SLC26A7: variants seen among roughly 807,000 people sequenced by gnomAD.
The protein encoded by SLC26A7 is solute carrier family 26 member 7.
SLC26A7 carries 59 observed loss-of-function variants against 82.5 expected under a neutral mutation model. The observed-to-expected ratio is 0.72, with a 90% CI of 0.58 to 0.89. The LOEUF is 0.89. SLC26A7 is among the 40% of genes least tolerant of loss of function. The pLI is 0.00. For synonymous variants in SLC26A7, 271 were observed against 274.3 expected, an observed-to-expected ratio of 0.99 and a Z score of 0.12; for missense variants, 820 against 793.0, an observed-to-expected ratio of 1.03 and a Z score of -0.41.
At chr8:91,344,543 T>G (rs189866766) in intron 9 of SLC26A7, among the ~76,000 whole-genome samples, 12 of 152,312 alleles carry the variant, frequency 7.9e-5, no homozygotes, top group Admixed American at 5.2e-4. Flanking sequence ...TATGTGTTTG[T>G]TGACCTTGTG....
At chr8:91,324,469 A>G (rs1008192847) in intron 5 of SLC26A7, among the ~76,000 whole-genome samples, 8 of 152,200 alleles carry the variant, frequency 5.3e-5, no homozygotes, top group African/African-American at 1.9e-4. Flanking sequence ...AGCTGCCTTA[A>G]TTGTCCAACA....
chr8:91,329,420 C>G (rs943328711), intron 5 of SLC26A7, among the ~76,000 whole-genome samples: 1 of 152,110 alleles, frequency 6.6e-6, no homozygotes, highest in African/African-American at 2.4e-5. Context: ...TTGTAATGAG[C>G]TATCCACCCC....
At chr8:91,289,859 T>G (rs1297706393) in intron 3 of SLC26A7, among the ~76,000 whole-genome samples, 3 of 152,198 alleles carry the variant, frequency 2.0e-5, no homozygotes, top group Non-Finnish European at 4.4e-5. Flanking sequence ...TTACCTTACC[T>G]ACCTCTATAT....
chr8:91,353,133 C>A, intron 11 of SLC26A7, 137 bp downstream of exon 11: 2 of 468,754 alleles, frequency 4.3e-6, no homozygotes, highest in Non-Finnish European at 3.6e-6. Context: ...CATTTTTTTT[C>A]CAAAATCTTA....
intron 2 of SLC26A7, among the ~76,000 whole-genome samples, chr8:91,258,562 A>G (rs1810871455): frequency 6.6e-6 from 1 of 152,130 alleles, no homozygotes; most frequent in East Asian, 1.9e-4. Context: ...CTTCCCTGAC[A>G]GTACTAGATA....
upstream of SLC26A7, among the ~76,000 whole-genome samples, chr8:91,245,442 G>A (rs924443971): frequency 1.3e-5 from 2 of 152,114 alleles, no homozygotes; most frequent in African/African-American, 4.8e-5. Flanking sequence ...CAATTGTGTG[G>A]ACGTATCCCC....
At chr8:91,328,321 A>G (rs920849657) in intron 5 of SLC26A7, among the ~76,000 whole-genome samples, 6 of 152,064 alleles carry the variant, frequency 3.9e-5, no homozygotes, top group African/African-American at 1.2e-4. Context: ...TTCAGCCTTG[A>G]TGTTGCTTCA....
chr8:91,261,991 C>T (rs1563648995), intron 2 of SLC26A7, among the ~76,000 whole-genome samples: 3 of 152,008 alleles, frequency 2.0e-5, no homozygotes, highest in African/African-American at 7.2e-5. Flanking sequence ...TACCATTGGA[C>T]GTGAACTCCT....
At chr8:91,297,150 T>G (rs1424988503) in intron 4 of SLC26A7, among the ~76,000 whole-genome samples, 1 of 152,180 alleles carries the variant, frequency 6.6e-6, no homozygotes, top group Non-Finnish European at 1.5e-5. Flanking sequence ...GAGTTGGATA[T>G]TCTCTTACTC....
chr8:91,259,684 A>G (rs1288338005), intron 2 of SLC26A7, among the ~76,000 whole-genome samples: 1 of 152,068 alleles, frequency 6.6e-6, no homozygotes, highest in Non-Finnish European at 1.5e-5. Flanking sequence ...GGACATTTGC[A>G]CATGGTATTT....
chr8:91,236,848 AAAAC>A (rs1425469951), intron 2 of SLC26A7, among the ~76,000 whole-genome samples: 11 of 152,212 alleles, frequency 7.2e-5, no homozygotes, highest in Admixed American at 5.9e-4. Flanking sequence ...TGTGCAGAAT[AAAAC>A]AAACAACTAC....
Position 91,395,094 on chromosome 8 carries a change from C to G in SLC26A7, c.1968C>G (p.Val656=). 1 of 1,613,452 alleles carries G rather than the reference C, an allele frequency of 6.2e-7. No homozygotes were observed. Among genetic ancestry groups the G allele is most frequent in the Non-Finnish European group, 8.5e-7 (1 of 1,179,412 alleles). ...GCAAACTCAGTGACCACAGTGAAGT[C>G]TGAGACCCTTTTGTCACAGTACAGC... is the stretch of plus-strand genomic sequence containing the variant. ...NLSKLSDHSE[V] Residue 656 remains valine, a synonymous_variant, in exon 19 of 19, where the codon GTC becomes GTG. Transcript: ENST00000276609.
intron 2 of SLC26A7, among the ~76,000 whole-genome samples, chr8:91,275,611 T>A (rs1047808838): frequency 2.6e-5 from 4 of 152,236 alleles, no homozygotes; most frequent in Admixed American, 6.5e-5. Context: ...AAAGAATATT[T>A]TAATGACGTT....
intron 2 of SLC26A7, among the ~76,000 whole-genome samples, chr8:91,274,069 A>G (rs1811342203): frequency 6.6e-6 from 1 of 152,226 alleles, no homozygotes; most frequent in African/African-American, 2.4e-5. Flanking sequence ...GTGTTCCAGT[A>G]TGTAAAATAG....
chr8:91,369,917 C>T (rs1277016119), intron 15 of SLC26A7, 84 bp downstream of exon 15: 8 of 994,956 alleles, frequency 8.0e-6, no homozygotes, highest in Non-Finnish European at 1.1e-5. Context: ...CCCTTCTCCT[C>T]CTCATCTGCC....
At position 91,334,429 on chromosome 8, in the gene SLC26A7, T is replaced by C; in HGVS notation, c.777T>C (p.Leu259=). The change falls in exon 6 of 19, where the codon CTT becomes CTC. Residue 259 remains leucine (L), a synonymous_variant. Coordinates refer to ENST00000276609, the MANE Select transcript of SLC26A7 (RefSeq NM_052832.4). ...TTAAAAGGAAAATTAAAGTTGTTCT[T>C]CCTGTAGATTTAGTTTTGGTAAGTA... is the stretch of plus-strand genomic sequence containing the variant. ...EQFKRKIKVV[L]PVDLVLIIAA... The C allele has an allele frequency of 6.2e-7, 1 of 1,612,098 alleles. No individual in the cohort carries two copies. The highest frequency in any genetic ancestry group is 8.5e-7 in the Non-Finnish European group (1 of 1,179,222).
rs188515224 is a variant in SLC26A7, at chr8:91,309,920, C to T, written c.478-8296C>T. Among the ~76,000 whole-genome samples, 59 of 152,202 alleles carry T rather than the reference C, an allele frequency of 3.9e-4. 1 individual carries two copies. The highest frequency in any genetic ancestry group is 1.3e-3 in the African/African-American group (55 of 41,544). On this transcript the variant is annotated intron_variant, in intron 4 of 18. Transcript: ENST00000276609. ...GCATGCTAACTCGAGGTGTTTTTCCCTACCCACTCGAATGTCCCTGGGAGG... is the reference window on the plus strand; with the variant it reads ...GCATGCTAACTCGAGGTGTTTTTCCTTACCCACTCGAATGTCCCTGGGAGG...
At chr8:91,369,369 GT>G (rs34226630) in intron 14 of SLC26A7, among the ~76,000 whole-genome samples, 143,023 of 147,528 alleles carry the variant, frequency 0.97, 69,401 homozygotes, top group Non-Finnish European at 1. Flanking sequence ...ATACAGAGCT[GT>G]TTTTTTTTTT....
chr8:91,352,541 G>T (rs1165806231), intron 10 of SLC26A7, among the ~76,000 whole-genome samples: 11 of 152,054 alleles, frequency 7.2e-5, no homozygotes, highest in Non-Finnish European at 1.2e-4. Flanking sequence ...GAAAATATAT[G>T]ATATACATAT....
Sources: allele counts gnomAD v4.1 joint callset (sites outside exome capture counted in the v4.1 genomes callset), GRCh38; gene constraint gnomAD v4.1.1; transcripts MANE v1.5; gene names NCBI Gene and HGNC (gene_info 2026-07-23, HGNC 2026-07-21).